The following LIPE variants were observed in gnomAD, a reference collection of about 807,000 sequenced individuals.
LIPE encodes the protein lipase E, hormone sensitive type.
LIPE carries 66 observed loss-of-function variants against 88.5 expected under a neutral mutation model. The ratio of observed to expected loss-of-function variants is 0.75; its 90% CI spans 0.61 to 0.91. The LOEUF is 0.91. Among genes scored for constraint, LIPE ranks in the 40% least tolerant of loss-of-function variants. The probability of loss-of-function intolerance (pLI) is 0.00; values close to 1 mark genes in which losing one functional copy is unlikely to be tolerated. For synonymous variants in LIPE, 570 were observed against 617.5 expected, an observed-to-expected ratio of 0.92 and a Z score of 1.14; for missense variants, 1,346 against 1,434.7, an observed-to-expected ratio of 0.94 and a Z score of 1.00.
At chr19:42,402,153 T>C in intron 9 of LIPE, 78 bp from the exon 10 acceptor site, 1 of 1,341,506 alleles carries the variant, frequency 7.5e-7, no homozygotes, top group Non-Finnish European at 9.8e-7. Context: ...AGGAGGGGTT[T>C]GATGAACAAA....
intron 1 of LIPE, among the ~76,000 whole-genome samples, chr19:42,416,214 C>T (rs559253776): frequency 8.1e-4 from 123 of 151,938 alleles, no homozygotes; most frequent in Non-Finnish European, 1.5e-3. Flanking sequence ...CGTGGTGGCG[C>T]ATGCCTGTAA....
Position 42,408,654 on chromosome 19 carries a change from A to G in LIPE, c.1420-332T>C, listed in dbSNP as rs1466177223. ...GGTCTCGGAGGAGAGATCTGACTGA[A>G]GCGAGGGGAGGGTGTTCCCTGCACA... On this transcript the variant is annotated intron_variant, in intron 2 of 9. Transcript: ENST00000244289. The surrounding 1 kb of genome is among the most constrained non-coding windows in gnomAD (Gnocchi z 4.3). 2.0e-5 allele frequency among the ~76,000 whole-genome samples: 3 copies of G among 151,586 alleles called. No homozygotes were observed. Among genetic ancestry groups the G allele is most frequent in the African/African-American group, 7.3e-5 (3 of 41,264 alleles).
intron 1 of LIPE, among the ~76,000 whole-genome samples, chr19:42,412,875 C>T (rs1180284277): frequency 2.0e-5 from 3 of 152,210 alleles, no homozygotes; most frequent in African/African-American, 4.8e-5. Context: ...AGGAGGTAGC[C>T]AGCCCTGCCT....
chr19:42,405,361 A>C, intron 8 of LIPE, 24 bp downstream of exon 8: 2 of 1,608,360 alleles, frequency 1.2e-6, no homozygotes, highest in Non-Finnish European at 1.7e-6. Context: ...CTGGCTGGGC[A>C]TGTGACGGGA....
Position 42,410,643 on chromosome 19 carries a change from G to A in LIPE, c.1083C>T (p.Leu361=). The change falls in exon 2 of 10, where the codon CTC becomes CTT. Residue 361 remains leucine (L), a synonymous_variant. Transcript: ENST00000244289. This position sits in a 1 kb window ranked among gnomAD's most constrained non-coding sequence, Gnocchi z 6.1. ...CCGGTGTCTCTGGGTCCAGGTCAAA[G>A]AGGTGCGCCACACCCAGCAGGCGGC... is the stretch of plus-strand genomic sequence containing the variant. ...ALGRLLGVAH[L]FDLDPETPAN... 5 of 1,613,080 alleles carry A rather than the reference G, an allele frequency of 3.1e-6. No homozygotes were observed. The highest frequency in any genetic ancestry group is 4.2e-6 in the Non-Finnish European group (5 of 1,179,486).
chr19:42,426,590 T>C lies in LIPE; in HGVS notation c.560A>G (p.Gln187Arg). The change falls in exon 1 of 10, where the codon CAA becomes CGA. Residue 187 changes from glutamine (Q) to arginine (R), a missense_variant. Physicochemically the swap from Gln to Arg is conservative, Grantham distance 43. Transcript: ENST00000244289. ...TTTGGCTCCCTGGACTGGCGTTGTT[T>C]GCTTGTCTGACTGTTCAGGTGTCTC... is the stretch of plus-strand genomic sequence containing the variant. ...SQETPEQSDK[Q>R]TTPVQGAKSK... 1 of 1,614,214 alleles carries C rather than the reference T, an allele frequency of 6.2e-7. No individual in the cohort carries two copies. The highest frequency in any genetic ancestry group is 8.5e-7 in the Non-Finnish European group (1 of 1,180,044).
In LIPE at chr19:42,402,895, C is replaced by T. The variant is rs764152181; in HGVS notation, c.2679G>A (p.Glu893=). Residue 893 remains glutamate (E), a synonymous_variant, in exon 9 of 10, where the codon GAG becomes GAA. Coordinates refer to ENST00000244289, the MANE Select transcript of LIPE (RefSeq NM_005357.4). ...TAAGTGTCTCAGCTGACAGCGACAT[C>T]TCGGGGGTGTCCGACGACGTCTCGG... ...GNSETSSDTP[E]MSLSAETLSP... is the part of the protein sequence containing the mutation. 4 of 1,613,354 alleles carry T rather than the reference C, an allele frequency of 2.5e-6. No homozygotes were observed. In the African/African-American group the frequency reaches 5.3e-5, roughly 22 times the overall value.
chr19:42,423,853 A>G (rs2040654103), intron 1 of LIPE: 18 of 1,123,100 alleles, frequency 1.6e-5, no homozygotes, highest in South Asian at 2.1e-5. Flanking sequence ...GCACCCCAGC[A>G]GGGAAGTCCC....
chr19:42,402,110 T>TG (rs2039995575), intron 9 of LIPE, 35 bp from the exon 10 acceptor site: 3 of 1,435,770 alleles, frequency 2.1e-6, no homozygotes, highest in Non-Finnish European at 2.7e-6. Context: ...GGAGAGAGGG[T>TG]GGGGGACAGA....
At chr19:42,419,845 C>T (rs2040561557) in intron 1 of LIPE, among the ~76,000 whole-genome samples, 1 of 151,908 alleles carries the variant, frequency 6.6e-6, no homozygotes, top group Non-Finnish European at 1.5e-5. Flanking sequence ...AAAGAGCAAA[C>T]GTTGCACCAA....
Position 42,408,994 on chromosome 19 carries a change from C to T in LIPE, c.1420-672G>A, listed in dbSNP as rs36089262. Among the ~76,000 whole-genome samples, 2,510 of 151,958 alleles carry T rather than the reference C, an allele frequency of 0.017. 61 individuals are homozygous for T. Among genetic ancestry groups the T allele is most frequent in the African/African-American group, 0.056 (2,309 of 41,398 alleles). Reference sequence around the variant, plus strand: ...GGCAGAGGAATTTGGATTTCATTCCCAGTGCGGGGTGGTGCCACTGGTAGG... The same window carrying T: ...GGCAGAGGAATTTGGATTTCATTCCTAGTGCGGGGTGGTGCCACTGGTAGG... On this transcript the variant is annotated intron_variant, in intron 2 of 9. Coordinates refer to ENST00000244289, the MANE Select transcript of LIPE (RefSeq NM_005357.4). The surrounding 1 kb of genome is among the most constrained non-coding windows in gnomAD (Gnocchi z 4.3).
Position 42,407,746 on chromosome 19 carries a change from G to A in LIPE, c.1702C>T (p.Leu568Phe), listed in dbSNP as rs751223321. Reference protein sequence around the residue: ...ASATVRVSRLLSLPPEAFEMP... With the variant: ...ASATVRVSRLFSLPPEAFEMP... ...TCAAAGGCTTCGGGTGGCAGGCTGA[G>A]CAGGCGGCTTACCCTCACGGTGGCC... is the stretch of plus-strand genomic sequence containing the variant. The change falls in exon 5 of 10, where the codon CTC (leucine) becomes TTC (phenylalanine). Residue 568 changes from leucine to phenylalanine, a missense_variant. By Grantham distance (22) the Leu-to-Phe change is conservative (BLOSUM62 0). Transcript: ENST00000244289. This position sits in a 1 kb window ranked among gnomAD's most constrained non-coding sequence, Gnocchi z 5.8. 1.9e-6 allele frequency: 3 copies of A among 1,562,834 alleles called. No homozygotes were observed. The highest frequency in any genetic ancestry group is 2.6e-6 in the Non-Finnish European group (3 of 1,154,918).
chr19:42,405,726 T>C, intron 7 of LIPE, 165 bp from the exon 8 acceptor site: 1 of 664,402 alleles, frequency 1.5e-6, no homozygotes, highest in Non-Finnish European at 2.5e-6. Context: ...TCCCAGTACT[T>C]TGGGAGGCCA....
In LIPE at chr19:42,408,218, T is replaced by C. The variant is rs1161919328; in HGVS notation, c.1510+14A>G. On this transcript the variant is annotated intron_variant, in intron 3 of 9. Coordinates refer to ENST00000244289, the MANE Select transcript of LIPE (RefSeq NM_005357.4). This position sits in a 1 kb window ranked among gnomAD's most constrained non-coding sequence, Gnocchi z 4.3. ...AAGAGAGTAGGCTGCGAGTAGAACC[T>C]GGCTGGGACTCACTGAGGCCTGTCT... is the stretch of plus-strand genomic sequence containing the variant. 14 of 1,613,776 alleles carry C rather than the reference T, an allele frequency of 8.7e-6. No homozygotes were observed. The highest frequency in any genetic ancestry group is 1.1e-5 in the Non-Finnish European group (13 of 1,179,850).
chr19:42,408,824 T>TA lies in LIPE; in HGVS notation c.1420-503dup, dbSNP rs34023098. ...GGGCGACAGAGCGAGACTCTGTCTCTAAAAAAAAAAAAAGGTGAGCTCATG... is the reference window on the plus strand; with the variant it reads ...GGGCGACAGAGCGAGACTCTGTCTCTAAAAAAAAAAAAAAGGTGAGCTCATG... On this transcript the variant is annotated intron_variant, in intron 2 of 9. Coordinates refer to ENST00000244289, the MANE Select transcript of LIPE (RefSeq NM_005357.4). This position sits in a 1 kb window ranked among gnomAD's most constrained non-coding sequence, Gnocchi z 4.3. 0.14 allele frequency among the ~76,000 whole-genome samples: 19,190 copies of TA among 136,644 alleles called. 1,647 individuals are homozygous for TA. The highest frequency in any genetic ancestry group is 0.2 in the Non-Finnish European group (12,822 of 63,074). 89.6% of individuals were successfully genotyped at this position (136,644 alleles called of 152,430 possible). A position where few individuals can be genotyped will look rare whatever the true frequency, so the allele number is the denominator to read the frequency against.
chr19:42,407,613 T>G lies in LIPE; in HGVS notation c.1835A>C (p.Glu612Ala), dbSNP rs2147604057. ...LVRLISYDLR[E>A]GQDSEELSSL... ...CTGAGGCTGGAACCCTACCTGTCCT[T>G]CACGCAGGTCATAGGAGATGAGCCT... The change falls in exon 5 of 10, where the codon GAA becomes GCA. Residue 612 changes from glutamate (E) to alanine (A), a missense_variant. Transcript: ENST00000244289. This position sits in a 1 kb window ranked among gnomAD's most constrained non-coding sequence, Gnocchi z 5.8. 1.9e-6 allele frequency: 3 copies of G among 1,607,406 alleles called. No homozygotes were observed. In the East Asian group the frequency reaches 6.7e-5, roughly 36 times the overall value.
Position 42,407,904 on chromosome 19 carries a change from C to T in LIPE, c.1656+72G>A. ...TTGTGTGCCATCCCTGGGCCTGGAGCCCCACAGAGACCTACTGTGGCCTCA... is the reference window on the plus strand; with the variant it reads ...TTGTGTGCCATCCCTGGGCCTGGAGTCCCACAGAGACCTACTGTGGCCTCA... On this transcript the variant is annotated intron_variant, in intron 4 of 9. Transcript: ENST00000244289. This position sits in a 1 kb window ranked among gnomAD's most constrained non-coding sequence, Gnocchi z 5.8. 6.4e-7 allele frequency: 1 copy of T among 1,572,374 alleles called. No homozygotes were observed. The highest frequency in any genetic ancestry group is 8.6e-7 in the Non-Finnish European group (1 of 1,159,056).
rs2040168135 is a variant in LIPE at position 42,406,007 on chromosome 19, CA to C, written c.2365+153del. The stretch of plus-strand genomic sequence containing the variant: ...ACACACACACACACACACACACACA[CA>C]CACACACACACGAAAAAAAAGGGAC... On this transcript the variant is annotated intron_variant, in intron 7 of 9. Coordinates refer to ENST00000244289, the MANE Select transcript of LIPE (RefSeq NM_005357.4). The surrounding 1 kb of genome is among the most constrained non-coding windows in gnomAD (Gnocchi z 5.7). Among the ~76,000 whole-genome samples, 1 of 147,574 alleles carries C rather than the reference CA, an allele frequency of 6.8e-6. No homozygotes were observed. Among genetic ancestry groups the C allele is most frequent in the African/African-American group, 2.7e-5 (1 of 37,176 alleles).
rs779578200 is a variant in LIPE at position 42,407,647 on chromosome 19, C to T, written c.1801G>A (p.Val601Ile). ...PPLAHTGPGPVLVRLISYDLR... is the reference protein window; with the variant it reads ...PPLAHTGPGPILVRLISYDLR... ...TCATAGGAGATGAGCCTGACGAGGACGGGCCCAGGGCCTGTGTGGGCCAGT... is the reference window on the plus strand; with the variant it reads ...TCATAGGAGATGAGCCTGACGAGGATGGGCCCAGGGCCTGTGTGGGCCAGT... Residue 601 changes from valine (V) to isoleucine (I), a missense_variant, in exon 5 of 10, where the codon GTC (valine) becomes ATC (isoleucine). Physicochemically the swap from Val to Ile is conservative, Grantham distance 29. Coordinates refer to ENST00000244289, the MANE Select transcript of LIPE (RefSeq NM_005357.4). This position sits in a 1 kb window ranked among gnomAD's most constrained non-coding sequence, Gnocchi z 5.8. 3.2e-5 allele frequency: 52 copies of T among 1,610,854 alleles called. No individual in the cohort carries two copies. Among genetic ancestry groups the T allele is most frequent in the South Asian group, 5.5e-5 (5 of 90,644 alleles).
Sources: gnomAD v4.1 joint callset for allele counts (sites outside exome capture counted in the v4.1 genomes callset) on GRCh38, gnomAD v4.1.1 for gene constraint, Gnocchi (gnomAD v3.1) non-coding constraint, MANE v1.5 for transcripts, NCBI Gene and HGNC (gene_info 2026-07-23, HGNC 2026-07-21) for gene names.